TAMM41: variants seen among roughly 807,000 people sequenced by gnomAD.
The protein encoded by TAMM41 is TAM41 mitochondrial translocator assembly and maintenance homolog, also known as phosphatidate cytidylyltransferase, mitochondrial.
Under a neutral mutation model 44.1 loss-of-function variants are expected in TAMM41, and 36 were observed. That is an observed-to-expected ratio of 0.82 (90% confidence interval 0.63 to 1.08). TAMM41 has a LOEUF of 1.08. Among genes scored for constraint, TAMM41 ranks in the 50% least tolerant of loss-of-function variants. TAMM41 has a pLI of 0.00. For missense variants in TAMM41, 417 were observed against 404.3 expected (o/e 1.03, Z -0.27); for synonymous variants, 164 against 153.1 (o/e 1.07, Z -0.53).
chr3:11,739,049 C>T, the TAMM41 span, among the ~76,000 whole-genome samples: 3 of 152,232 alleles, frequency 2.0e-5, no homozygotes, highest in Non-Finnish European at 4.4e-5. Context: ...ATGTCTCCAA[C>T]ATGACAAGCC....
chr3:11,807,593 CAG>C, intron 7 of TAMM41: 1 of 1,536,132 alleles, frequency 6.5e-7, no homozygotes, highest in East Asian at 2.4e-5. Flanking sequence ...GGAAGTGTCT[CAG>C]AAAATTCAGA....
At chr3:11,764,280 G>A in the TAMM41 span, among the ~76,000 whole-genome samples, 5 of 151,952 alleles carry the variant, frequency 3.3e-5, no homozygotes, top group African/African-American at 9.7e-5. Context: ...ACAGGTGTGA[G>A]CCATGGCGCC....
chr3:11,739,671 CAAAAAAAAAAAA>C, the TAMM41 span, among the ~76,000 whole-genome samples: 58 of 53,460 alleles, frequency 1.1e-3, no homozygotes, highest in African/African-American at 3.6e-3. Context: ...GACTCCATCT[CAAAAAAAAAAAA>C]AAAAAAAAAA....
chr3:11,832,757 T>G (rs1445828620), intron 3 of TAMM41, among the ~76,000 whole-genome samples: 1 of 152,228 alleles, frequency 6.6e-6, no homozygotes, highest in African/African-American at 2.4e-5. Context: ...TCCCCATTCA[T>G]CACACATCCT....
chr3:11,823,239 T>TTTGTTG (rs1230789007), intron 4 of TAMM41, among the ~76,000 whole-genome samples: 2 of 149,902 alleles, frequency 1.3e-5, no homozygotes, highest in African/African-American at 4.9e-5. Flanking sequence ...TTTTCATTGT[T>TTTGTTG]TTGTTGTTGT....
At chr3:11,836,894 A>G in intron 3 of TAMM41, among the ~76,000 whole-genome samples, 1 of 152,268 alleles carries the variant, frequency 6.6e-6, no homozygotes, top group Non-Finnish European at 1.5e-5. Flanking sequence ...GAAATGAGAA[A>G]TGTATCTGTA....
At chr3:11,830,770 T>C (rs1176870581) in intron 3 of TAMM41, 1 of 151,046 alleles carries the variant, frequency 6.6e-6, no homozygotes, top group South Asian at 2.1e-4. Flanking sequence ...ACTCAGGAGG[T>C]TGAGGTAGGA....
In TAMM41 at chr3:11,809,644, C is replaced by T. The variant is rs1403960719; in HGVS notation, c.747G>A (p.Met249Ile). ...KSPEGQFTQLMTLPKTLQQQI... is the reference protein window; with the variant it reads ...KSPEGQFTQLITLPKTLQQQI... ...GTTGCTGTAAGGTTTTGGGCAATGT[C>T]ATCAGCTGAGTGAACTGTCCTTCTG... Residue 249 changes from methionine to isoleucine, a missense_variant, in exon 6 of 8, where the codon ATG becomes ATA. Met to Ile is a conservative substitution (Grantham distance 10). Transcript: ENST00000455809. The T allele has an allele frequency of 6.2e-7, 1 of 1,614,076 alleles. No homozygotes were observed. The highest frequency in any genetic ancestry group is 8.5e-7 in the Non-Finnish European group (1 of 1,180,024).
chr3:11,816,217 G>GA (rs11423186), intron 5 of TAMM41, among the ~76,000 whole-genome samples: 11,098 of 132,024 alleles, frequency 0.084, 667 homozygotes, highest in African/African-American at 0.18. Flanking sequence ...TACATTAAAG[G>GA]AAAAAAAAAA....
At chr3:11,735,991 C>T in the TAMM41 span, among the ~76,000 whole-genome samples, 1 of 152,094 alleles carries the variant, frequency 6.6e-6, no homozygotes, top group Non-Finnish European at 1.5e-5. Flanking sequence ...ATAGATCATG[C>T]AGTAGCCAAA....
chr3:11,809,484 G>A (rs983899779), intron 6 of TAMM41, 33 bp downstream of exon 6: 2 of 1,610,088 alleles, frequency 1.2e-6, no homozygotes, highest in Non-Finnish European at 1.7e-6. Flanking sequence ...CCCCATGGCT[G>A]GCATTTCCTC....
intron 4 of TAMM41, among the ~76,000 whole-genome samples, chr3:11,817,583 A>C (rs2124987220): frequency 6.6e-6 from 1 of 152,344 alleles, no homozygotes; most frequent in East Asian, 1.9e-4. Flanking sequence ...ACCTAGTTAC[A>C]CAAGGTAATC....
intron 7 of TAMM41, among the ~76,000 whole-genome samples, chr3:11,795,992 G>A (rs999355565): frequency 6.6e-6 from 1 of 152,138 alleles, no homozygotes; most frequent in African/African-American, 2.4e-5. Flanking sequence ...AAATTAAAAC[G>A]ATTTGCTAAA....
At chr3:11,825,141 A>G (rs1042816449) in intron 4 of TAMM41, among the ~76,000 whole-genome samples, 106 of 152,324 alleles carry the variant, frequency 7.0e-4, no homozygotes, top group African/African-American at 2.4e-3. Flanking sequence ...TTTACAAGCT[A>G]TGTGACCCAG....
At chr3:11,766,833 G>A in the TAMM41 span, among the ~76,000 whole-genome samples, 1 of 151,862 alleles carries the variant, frequency 6.6e-6, no homozygotes, top group African/African-American at 2.4e-5. Flanking sequence ...ACCTCCTAAA[G>A]TGTGGGATTA....
the TAMM41 span, among the ~76,000 whole-genome samples, chr3:11,730,472 C>T: frequency 1.3e-5 from 2 of 150,212 alleles, no homozygotes; most frequent in South Asian, 4.2e-4. Flanking sequence ...CGGTGGCTCA[C>T]GCCTGTAATC....
chr3:11,805,148 T>C (rs2077869823), intron 7 of TAMM41, among the ~76,000 whole-genome samples: 1 of 151,640 alleles, frequency 6.6e-6, no homozygotes, highest in Non-Finnish European at 1.5e-5. Context: ...ACTACAGGCA[T>C]GTGCCACCAC....
intron 4 of TAMM41, among the ~76,000 whole-genome samples, chr3:11,826,371 C>A (rs573547063): frequency 1.3e-5 from 2 of 151,750 alleles, no homozygotes; most frequent in East Asian, 1.9e-4. Context: ...TGTCGCTACA[C>A]AAACGAAATT....
At chr3:11,746,298 T>G in the TAMM41 span, among the ~76,000 whole-genome samples, 1 of 96,572 alleles carries the variant, frequency 1.0e-5, no homozygotes, top group Admixed American at 1.1e-4. Context: ...AGTGAGACTC[T>G]CTCAAAAAAA....
Sources: allele counts gnomAD v4.1 joint callset (sites outside exome capture counted in the v4.1 genomes callset), GRCh38; gene constraint gnomAD v4.1.1; transcripts MANE v1.5; gene names NCBI Gene and HGNC (gene_info 2026-07-23, HGNC 2026-07-21).